The following LMX1A variants were observed in gnomAD, a reference collection of about 807,000 sequenced individuals.
LMX1A encodes the protein LIM homeobox transcription factor 1-alpha.
Under a neutral mutation model 49.1 loss-of-function variants are expected in LMX1A, and 15 were observed. The ratio of observed to expected loss-of-function variants is 0.31; its 90% CI spans 0.20 to 0.47. The LOEUF (loss-of-function observed/expected upper bound fraction) is 0.47. Among genes scored for constraint, LMX1A ranks in the 20% least tolerant of loss-of-function variants. The pLI is 1.00. For synonymous variants in LMX1A, 167 were observed against 185.7 expected (o/e 0.90, Z 0.82); for missense variants, 372 against 475.8 (o/e 0.78, Z 2.03).
intron 4 of LMX1A, among the ~76,000 whole-genome samples, chr1:165,230,839 C>G (rs1020696642): frequency 6.6e-6 from 1 of 152,134 alleles, no homozygotes; most frequent in Admixed American, 6.5e-5. Context: ...TTCCCCATTC[C>G]AAGTGTCTGT....
chr1:165,264,888 C>G (rs1653565934), intron 3 of LMX1A, among the ~76,000 whole-genome samples: 1 of 151,818 alleles, frequency 6.6e-6, no homozygotes. Context: ...GCTTGGGAGA[C>G]AGAACAATAC....
intron 3 of LMX1A, among the ~76,000 whole-genome samples, chr1:165,299,801 T>C (rs1391928442): frequency 4.0e-5 from 6 of 151,584 alleles, no homozygotes; most frequent in African/African-American, 1.5e-4. Flanking sequence ...AGTAGTATTA[T>C]TTTAGTAACT....
chr1:165,343,526 C>A (rs1475159243), intron 3 of LMX1A, among the ~76,000 whole-genome samples: 2 of 152,134 alleles, frequency 1.3e-5, no homozygotes, highest in Non-Finnish European at 2.9e-5. Context: ...TTCTTACATT[C>A]TATTGTATAG....
At chr1:165,348,200 A>C (rs564922740) in intron 3 of LMX1A, among the ~76,000 whole-genome samples, 2 of 152,320 alleles carry the variant, frequency 1.3e-5, no homozygotes, top group South Asian at 4.1e-4. Context: ...TGTTCCATTT[A>C]TGTAAGGATC....
intron 4 of LMX1A, among the ~76,000 whole-genome samples, chr1:165,231,115 T>G (rs1652225626): frequency 6.6e-6 from 1 of 152,000 alleles, no homozygotes; most frequent in South Asian, 2.1e-4. Flanking sequence ...TATTTATTTA[T>G]TTTTAAGTGA....
intron 4 of LMX1A, chr1:165,218,688 T>C (rs141272873): frequency 9.0e-4 from 137 of 152,310 alleles, no homozygotes; most frequent in African/African-American, 3.1e-3. Context: ...AGAAAGGACA[T>C]TTCTAAAAGA....
At chr1:165,227,411 C>T (rs1280687228) in intron 4 of LMX1A, among the ~76,000 whole-genome samples, 1 of 152,162 alleles carries the variant, frequency 6.6e-6, no homozygotes, top group Non-Finnish European at 1.5e-5. Flanking sequence ...TATGTTGGCA[C>T]ACACCTGTAA....
intron 4 of LMX1A, among the ~76,000 whole-genome samples, chr1:165,235,386 G>T (rs913508750): frequency 3.5e-5 from 5 of 144,772 alleles, no homozygotes; most frequent in South Asian, 2.3e-4. Flanking sequence ...CAGCACAAGC[G>T]CTCACACGTG....
intron 3 of LMX1A, among the ~76,000 whole-genome samples, chr1:165,293,458 A>G (rs957608725): frequency 5.3e-5 from 8 of 152,316 alleles, no homozygotes; most frequent in African/African-American, 1.9e-4. Flanking sequence ...ATTGGGCTAC[A>G]AGATTATTAA....
rs200583099 is a variant in LMX1A at position 165,204,035 on chromosome 1, C to T, written c.994G>A (p.Glu332Lys). The T allele has an allele frequency of 1.3e-4, 210 of 1,613,924 alleles. 1 individual carries two copies. Among genetic ancestry groups the T allele is most frequent in the Admixed American group, 1.0e-3 (63 of 60,014 alleles). ...PGDHMHPYGA[E>K]PLFHDLDSDD... is the part of the protein sequence containing the mutation. ...CTATCCAGGTCATGGAAAAGGGGCT[C>T]GGCACCTGAAATGGAGATGAAACAC... Residue 332 changes from glutamate to lysine, a missense_variant, in exon 9 of 9, where the codon GAG becomes AAG. By Grantham distance (56) the Glu-to-Lys change is moderately conservative. Transcript: ENST00000342310.
intron 3 of LMX1A, among the ~76,000 whole-genome samples, chr1:165,328,041 T>C (rs1198478695): frequency 6.6e-6 from 1 of 152,132 alleles, no homozygotes. Flanking sequence ...TTGAGACTAG[T>C]GGGGAAAGAA....
At chr1:165,241,228 G>T (rs1652643795) in intron 4 of LMX1A, among the ~76,000 whole-genome samples, 1 of 152,116 alleles carries the variant, frequency 6.6e-6, no homozygotes, top group South Asian at 2.1e-4. Flanking sequence ...ACCATGAGGT[G>T]CCCCAGGTAT....
chr1:165,250,985 G>A (rs894592914), intron 3 of LMX1A, among the ~76,000 whole-genome samples: 2 of 151,874 alleles, frequency 1.3e-5, no homozygotes, highest in Non-Finnish European at 2.9e-5. Context: ...GTTAGAGGCA[G>A]GTACCTCCAG....
chr1:165,302,208 G>A (rs547242876), intron 3 of LMX1A, among the ~76,000 whole-genome samples: 1 of 151,818 alleles, frequency 6.6e-6, no homozygotes, highest in Non-Finnish European at 1.5e-5. Context: ...GAGGCCGGTG[G>A]GGGGCGGGGT....
chr1:165,221,730 T>C (rs1651854490), intron 4 of LMX1A, among the ~76,000 whole-genome samples: 1 of 152,188 alleles, frequency 6.6e-6, no homozygotes, highest in African/African-American at 2.4e-5. Context: ...GCCTCTCCCT[T>C]TGCTTTCCTC....
At chr1:165,322,338 G>T (rs1204625639) in intron 3 of LMX1A, among the ~76,000 whole-genome samples, 1 of 152,136 alleles carries the variant, frequency 6.6e-6, no homozygotes, top group African/African-American at 2.4e-5. Flanking sequence ...AGGCCCAAGC[G>T]AACTGAAAAT....
chr1:165,203,982 A>G lies in LMX1A; in HGVS notation c.1047T>C (p.Gly349=). ...DSDDTSLSNL[G]DCFLATSEAG... ...CTTCTGAGGTTGCTAGGAAACAATCACCCAGGTTACTGAGGGAGGTGTCGT... is the reference window on the plus strand; with the variant it reads ...CTTCTGAGGTTGCTAGGAAACAATCGCCCAGGTTACTGAGGGAGGTGTCGT... The change falls in exon 9 of 9, where the codon GGT becomes GGC. Residue 349 remains glycine, a synonymous_variant. Transcript: ENST00000342310. The G allele has an allele frequency of 6.2e-7, 1 of 1,614,114 alleles. No individual in the cohort carries two copies. The highest frequency in any genetic ancestry group is 8.5e-7 in the Non-Finnish European group (1 of 1,180,014).
At chr1:165,319,869 C>G (rs186680990) in intron 3 of LMX1A, among the ~76,000 whole-genome samples, 1 of 152,196 alleles carries the variant, frequency 6.6e-6, no homozygotes. Flanking sequence ...TCCAAATATT[C>G]TCTACTAAGC....
intron 4 of LMX1A, among the ~76,000 whole-genome samples, chr1:165,222,249 C>T (rs908017084): frequency 6.6e-6 from 1 of 152,164 alleles, no homozygotes; most frequent in East Asian, 1.9e-4. Context: ...GACTGTAGAG[C>T]TCATAACAAG....
Sources: gnomAD v4.1 joint callset for allele counts (sites outside exome capture counted in the v4.1 genomes callset) on GRCh38, gnomAD v4.1.1 for gene constraint, MANE v1.5 for transcripts, NCBI Gene and HGNC (gene_info 2026-07-23, HGNC 2026-07-21) for gene names.